IFIT1: variants seen among roughly 807,000 people sequenced by gnomAD.
The protein encoded by IFIT1 is antiviral innate immune response effector IFIT1.
A neutral mutation model predicts 2.5 loss-of-function variants in IFIT1; 1 was observed. The ratio of observed to expected loss-of-function variants is 0.40; its 90% confidence interval spans 0.14 to 1.92. IFIT1 has a LOEUF of 1.92. Among genes scored for constraint, IFIT1 ranks in the 40% most tolerant of loss-of-function variants. IFIT1 has a pLI of 0.31. For synonymous variants in IFIT1, 191 were observed against 201.7 expected, an observed-to-expected ratio of 0.95 and a Z score of 0.45; for missense variants, 508 against 557.8, an observed-to-expected ratio of 0.91 and a Z score of 0.90.
At chr10:89,398,746 A>G (rs1844380827) in intron 1 of IFIT1, among the ~76,000 whole-genome samples, 1 of 152,200 alleles carries the variant, frequency 6.6e-6, no homozygotes, top group African/African-American at 2.4e-5. Context: ...CATTGTATGT[A>G]TATACCACAT....
In IFIT1 at chr10:89,402,292, A is replaced by G. The variant is rs139476226; in HGVS notation, c.17A>G (p.Asp6Gly). MSTNG[D>G]DHQVKDSLEQ... ...TTTTGTTTTTACAGTACAAATGGTG[A>G]TGATCATCAGGTCAAGGATAGTCTG... is the stretch of plus-strand genomic sequence containing the variant. The change falls in exon 2 of 2, where the codon GAT (aspartate) becomes GGT (glycine). Residue 6 changes from aspartate to glycine, a missense_variant. By Grantham distance (94) the Asp-to-Gly change is moderately conservative. Coordinates refer to ENST00000371804, the MANE Select transcript of IFIT1 (RefSeq NM_001548.5). The G allele has an allele frequency of 1.2e-6, 2 of 1,607,602 alleles. No individual in the cohort carries two copies. The highest frequency in any genetic ancestry group is 2.7e-5 in the African/African-American group (2 of 74,726).
At chr10:89,394,600 A>ATATATATATATATATATATATATATTT in intron 1 of IFIT1, among the ~76,000 whole-genome samples, 1 of 28,086 alleles carries the variant, frequency 3.6e-5, no homozygotes, top group South Asian at 8.7e-4. Context: ...ATATATATAT[A>ATATATATATATATATATATATATATTT]TATATATATA....
intron 1 of IFIT1, 107 bp from the exon 2 acceptor site, chr10:89,402,174 A>G (rs1844435522): frequency 4.3e-6 from 3 of 698,814 alleles, no homozygotes; most frequent in Non-Finnish European, 7.3e-6. Context: ...AAACCTAAGT[A>G]AGTTGATCCT....
In IFIT1 at chr10:89,402,465, C is replaced by G. The variant is rs749812697; in HGVS notation, c.190C>G (p.Leu64Val). ...IHNLLAYVKHLKGQNEEALKS... is the reference protein window; with the variant it reads ...IHNLLAYVKHVKGQNEEALKS... The stretch of plus-strand genomic sequence containing the variant: ...CAACCTACTAGCCTATGTGAAACAC[C>G]TGAAAGGCCAGAATGAGGAAGCCCT... The change falls in exon 2 of 2, where the codon CTG becomes GTG. Residue 64 changes from leucine (L) to valine (V), a missense_variant. By Grantham distance (32) the Leu-to-Val change is conservative (BLOSUM62 1). Coordinates refer to ENST00000371804, the MANE Select transcript of IFIT1 (RefSeq NM_001548.5). 2 of 1,614,126 alleles carry G rather than the reference C, an allele frequency of 1.2e-6. No homozygotes were observed. Among genetic ancestry groups the G allele is most frequent in the Non-Finnish European group, 1.7e-6 (2 of 1,180,016 alleles).
At chr10:89,394,224 T>G (rs963988974) in intron 1 of IFIT1, among the ~76,000 whole-genome samples, 2 of 152,194 alleles carry the variant, frequency 1.3e-5, no homozygotes, top group Non-Finnish European at 2.9e-5. Flanking sequence ...TTTGTTTATC[T>G]AAACATATTT....
At chr10:89,401,329 T>C (rs1238204456) in intron 1 of IFIT1, among the ~76,000 whole-genome samples, 2 of 151,958 alleles carry the variant, frequency 1.3e-5, no homozygotes, top group Non-Finnish European at 2.9e-5. Flanking sequence ...ACCATGTTGG[T>C]CAGCTGGTCT....
At position 89,402,347 on chromosome 10, in the gene IFIT1, G is replaced by C; in HGVS notation, c.72G>C (p.Glu24Asp). 1 of 1,614,160 alleles carries C rather than the reference G, an allele frequency of 6.2e-7. No individual in the cohort carries two copies. The highest frequency in any genetic ancestry group is 8.5e-7 in the Non-Finnish European group (1 of 1,179,986). The stretch of plus-strand genomic sequence containing the variant: ...AATTGAGATGTCACTTTACATGGGA[G>C]TTATCCATTGATGACGATGAAATGC... The part of the protein sequence containing the change: ...LEQLRCHFTW[E>D]LSIDDDEMPD... The change falls in exon 2 of 2, where the codon GAG becomes GAC. Residue 24 changes from glutamate to aspartate, a missense_variant. Coordinates refer to ENST00000371804, the MANE Select transcript of IFIT1 (RefSeq NM_001548.5).
At chr10:89,395,392 C>T (rs1844327444) in intron 1 of IFIT1, among the ~76,000 whole-genome samples, 1 of 152,170 alleles carries the variant, frequency 6.6e-6, no homozygotes, top group South Asian at 2.1e-4. Flanking sequence ...CTCAATGGCT[C>T]CCCCTTTCCC....
At chr10:89,402,224 C>CT (rs1163482569) in intron 1 of IFIT1, 57 bp from the exon 2 acceptor site, 4 of 1,152,462 alleles carry the variant, frequency 3.5e-6, no homozygotes, top group Admixed American at 2.2e-5. Context: ...TTTTATCTGA[C>CT]TTTTTTCTTT....
At chr10:89,394,687 AAATAAAAT>A (rs1844315507) in intron 1 of IFIT1, among the ~76,000 whole-genome samples, 1 of 149,602 alleles carries the variant, frequency 6.7e-6, no homozygotes, top group South Asian at 2.1e-4. Flanking sequence ...AATACATGTA[AAATAAAAT>A]TTATCATTTT....
At chr10:89,394,231 A>T (rs1449295232) in intron 1 of IFIT1, among the ~76,000 whole-genome samples, 2 of 152,194 alleles carry the variant, frequency 1.3e-5, no homozygotes, top group Non-Finnish European at 2.9e-5. Context: ...ATCTAAACAT[A>T]TTTAAACATA....
At chr10:89,396,890 C>G (rs1406381597) in intron 1 of IFIT1, among the ~76,000 whole-genome samples, 2 of 152,144 alleles carry the variant, frequency 1.3e-5, no homozygotes, top group South Asian at 2.1e-4. Flanking sequence ...GGAGAATTGT[C>G]TACTCAAGTC....
At chr10:89,400,269 C>T (rs1196796473) in intron 1 of IFIT1, among the ~76,000 whole-genome samples, 1 of 152,176 alleles carries the variant, frequency 6.6e-6, no homozygotes, top group African/African-American at 2.4e-5. Context: ...GATCCCTTGA[C>T]ATTTCATATG....
rs1844448352 is a variant in IFIT1, at chr10:89,402,632, C to A, written c.357C>A (p.Asp119Glu). 1.2e-6 allele frequency: 2 copies of A among 1,614,098 alleles called. No homozygotes were observed. The highest frequency in any genetic ancestry group is 8.5e-7 in the Non-Finnish European group (1 of 1,180,046). The change falls in exon 2 of 2, where the codon GAC (aspartate) becomes GAA (glutamate). Residue 119 changes from aspartate (D) to glutamate (E), a missense_variant. Physicochemically the swap from Asp to Glu is conservative, Grantham distance 45 (BLOSUM62 2). Coordinates refer to ENST00000371804, the MANE Select transcript of IFIT1 (RefSeq NM_001548.5). ...TGGCAGAAGCCCAGACTTACCTGGA[C>A]AAGGTGGAGAACATTTGCAAGAAGC... ...GRLAEAQTYL[D>E]KVENICKKLS...
intron 1 of IFIT1, among the ~76,000 whole-genome samples, chr10:89,394,613 TATATATATATATATAA>T (rs1167022970): frequency 0.055 from 1,103 of 20,012 alleles, 39 homozygotes; most frequent in African/African-American, 0.067. Context: ...TATATATATA[TATATATATATATATAA>T]AACTTGAATT....
chr10:89,393,893 T>C (rs1844294756), intron 1 of IFIT1, among the ~76,000 whole-genome samples: 1 of 152,242 alleles, frequency 6.6e-6, no homozygotes, highest in Non-Finnish European at 1.5e-5. Context: ...TTGGTACTGA[T>C]AATTAAAATA....
In IFIT1 at chr10:89,403,031, T is replaced by C; in HGVS notation, c.756T>C (p.Tyr252=). The change falls in exon 2 of 2, where the codon TAT becomes TAC. Residue 252 remains tyrosine, a synonymous_variant. Coordinates refer to ENST00000371804, the MANE Select transcript of IFIT1 (RefSeq NM_001548.5). ...TAGCCAACATGTCCTCACAGACCTA[T>C]GTCTTTCGATATGCAGCCAAGTTTT... is the stretch of plus-strand genomic sequence containing the variant. ...EALANMSSQT[Y]VFRYAAKFYR... is the part of the protein sequence containing the mutation. 2 of 1,614,274 alleles carry C rather than the reference T, an allele frequency of 1.2e-6. No individual in the cohort carries two copies. The highest frequency in any genetic ancestry group is 1.7e-6 in the Non-Finnish European group (2 of 1,180,042).
intron 1 of IFIT1, among the ~76,000 whole-genome samples, chr10:89,394,428 T>A (rs1205649947): frequency 6.6e-6 from 1 of 151,972 alleles, no homozygotes; most frequent in Non-Finnish European, 1.5e-5. Context: ...TGGATCAGGA[T>A]CTCTACATTC....
chr10:89,400,000 A>G (rs1844399498), intron 1 of IFIT1, among the ~76,000 whole-genome samples: 2 of 152,172 alleles, frequency 1.3e-5, no homozygotes, highest in Admixed American at 1.3e-4. Context: ...TAGCCTCGAG[A>G]ACTGTAAGAA....
Sources: gnomAD v4.1 joint callset for allele counts (sites outside exome capture counted in the v4.1 genomes callset) on GRCh38, gnomAD v4.1.1 for gene constraint, MANE v1.5 for transcripts, NCBI Gene and HGNC (gene_info 2026-07-23, HGNC 2026-07-21) for gene names.